NDRG1: variants seen among roughly 807,000 people sequenced by gnomAD.
The protein encoded by NDRG1 is protein NDRG1.
In NDRG1, 32 loss-of-function variants were observed where a neutral mutation model predicts 56.9. The observed-to-expected ratio is 0.56, with a 90% CI of 0.42 to 0.76. The LOEUF (loss-of-function observed/expected upper bound fraction) is 0.76. Ranked by LOEUF, NDRG1 falls within the 30% of genes least tolerant of loss-of-function variation. The pLI, the probability that NDRG1 is intolerant of heterozygous loss-of-function variation, is 0.00. For missense variants in NDRG1, 507 were observed against 545.7 expected, an observed-to-expected ratio of 0.93 and a Z score of 0.71; for synonymous variants, 211 against 204.1, an observed-to-expected ratio of 1.03 and a Z score of -0.29.
At chr8:133,258,886 G>A in intron 6 of NDRG1, 1 of 547,476 alleles carries the variant, frequency 1.8e-6, no homozygotes, top group Non-Finnish European at 3.3e-6. Context: ...ATGGGAAAGA[G>A]AAGGGAATGG....
At position 133,237,987 on chromosome 8, in the gene NDRG1, G is replaced by T; in HGVS notation, c.*891C>A. ...ACTCATCACAGCCAGGGCAGCTGTG[G>T]AATGTTGCCCTCCATTCTAAGGAAT... On this transcript the variant is annotated 3_prime_UTR_variant, in exon 16 of 16. Coordinates refer to ENST00000323851, the MANE Select transcript of NDRG1 (RefSeq NM_006096.4). The T allele has an allele frequency of 4.3e-6, 1 of 233,162 alleles. No homozygotes were observed. The highest frequency in any genetic ancestry group is 6.0e-5 in the East Asian group (1 of 16,576). The allele number at this position is 233,162 out of a possible 1,614,324, so 14.4% of individuals were successfully genotyped here. A position where few individuals can be genotyped will look rare whatever the true frequency, so the allele number is the denominator to read the frequency against.
In NDRG1 at chr8:133,241,760, A is replaced by T. The variant is rs1034348999; in HGVS notation, c.943+263T>A. ...GGTCATTGTCTTGGTGCTTAAAGGGACAGTCCTCATCTAAACCCCCCAAAA... is the reference window on the plus strand; with the variant it reads ...GGTCATTGTCTTGGTGCTTAAAGGGTCAGTCCTCATCTAAACCCCCCAAAA... On this transcript the variant is annotated intron_variant, in intron 15 of 15. Coordinates refer to ENST00000323851, the MANE Select transcript of NDRG1 (RefSeq NM_006096.4). The T allele has an allele frequency of 7.0e-6, 4 of 575,528 alleles. No individual in the cohort carries two copies. In the Admixed American group the frequency reaches 1.2e-4, roughly 18 times the overall value. 35.7% of individuals were successfully genotyped at this position (575,528 alleles called of 1,614,324 possible).
At chr8:133,264,450 AACC>A in intron 4 of NDRG1, 94 bp downstream of exon 4, 1 of 1,133,536 alleles carries the variant, frequency 8.8e-7, no homozygotes, top group South Asian at 1.3e-5. Context: ...GGCAAAAAGA[AACC>A]ACCAGCTCCC....
At chr8:133,277,361 C>T (rs969983485) in intron 3 of NDRG1, among the ~76,000 whole-genome samples, 3 of 152,080 alleles carry the variant, frequency 2.0e-5, no homozygotes, top group Admixed American at 6.5e-5. Context: ...GTCAGGAGTT[C>T]GAGACCAGAC....
intron 7 of NDRG1, 65 bp from the exon 8 acceptor site, chr8:133,256,928 G>A: frequency 2.7e-6 from 4 of 1,494,844 alleles, no homozygotes; most frequent in Admixed American, 1.8e-5. Context: ...AACTTTCCAA[G>A]GCAAACCAAA....
intron 3 of NDRG1, 92 bp from the exon 4 acceptor site, chr8:133,264,744 G>C (rs1856832836): frequency 2.7e-6 from 3 of 1,095,340 alleles, no homozygotes; most frequent in East Asian, 2.4e-5. Context: ...ACTGTGTTTT[G>C]AGGAAGCTCT....
rs564361525 is a variant in NDRG1, at chr8:133,240,106, T to C, written c.944-987A>G. 3.3e-5 allele frequency: 5 copies of C among 152,338 alleles called. No individual in the cohort carries two copies. The East Asian group carries it at 7.7e-4, about 24-fold the overall frequency. 9.4% of individuals were successfully genotyped at this position (152,338 alleles called of 1,614,324 possible). A position where few individuals can be genotyped will look rare whatever the true frequency, so the allele number is the denominator to read the frequency against. On this transcript the variant is annotated intron_variant, in intron 15 of 15. Transcript: ENST00000323851. ...CATGGAAGGTTCTTCCACAGCAGCG[T>C]TGGAGGGAGCAAGGCCCTGCCCACA...
At chr8:133,258,267 T>G in intron 7 of NDRG1, 99 bp downstream of exon 7, 1 of 1,264,632 alleles carries the variant, frequency 7.9e-7, no homozygotes, top group South Asian at 1.3e-5. Flanking sequence ...TACGGGTCAT[T>G]TCTTTTTCCC....
Position 133,258,305 on chromosome 8 carries a change from T to C in NDRG1, c.450+61A>G, listed in dbSNP as rs2272651. 418,568 of 1,520,300 alleles carry C rather than the reference T, an allele frequency of 0.28. 59,636 individuals are homozygous for C. Among genetic ancestry groups the C allele is most frequent in the African/African-American group, 0.36 (25,981 of 72,940 alleles). 94.2% of individuals were successfully genotyped at this position (1,520,300 alleles called of 1,614,324 possible). Reference sequence around the variant, plus strand: ...TTGGGTTTTTGATGCTTTTCCAATGTCTTCCTTCATCTTAAAATGTTATTT... The same window carrying C: ...TTGGGTTTTTGATGCTTTTCCAATGCCTTCCTTCATCTTAAAATGTTATTT... On this transcript the variant is annotated intron_variant, in intron 7 of 15. Coordinates refer to ENST00000323851, the MANE Select transcript of NDRG1 (RefSeq NM_006096.4).
intron 4 of NDRG1, 86 bp downstream of exon 4, chr8:133,264,461 C>A (rs1288660583): frequency 1.6e-6 from 2 of 1,226,042 alleles, no homozygotes; most frequent in Admixed American, 1.7e-5. Flanking sequence ...ACCACCAGCT[C>A]CCGGCCATCA....
intron 3 of NDRG1, among the ~76,000 whole-genome samples, chr8:133,270,388 G>A (rs888139386): frequency 1.3e-5 from 2 of 152,132 alleles, no homozygotes; most frequent in African/African-American, 2.4e-5. Flanking sequence ...TCTTTTTGAG[G>A]ATAGAATTCC....
At chr8:133,274,912 A>C (rs935260747) in intron 3 of NDRG1, among the ~76,000 whole-genome samples, 1 of 152,218 alleles carries the variant, frequency 6.6e-6, no homozygotes, top group African/African-American at 2.4e-5. Context: ...AGATTCAGCA[A>C]GAGGGCGTGG....
At chr8:133,246,498 T>C in intron 13 of NDRG1, 118 bp downstream of exon 13, 2 of 1,073,946 alleles carry the variant, frequency 1.9e-6, no homozygotes, top group South Asian at 2.5e-5. Context: ...ATTAAATCAT[T>C]AATTCTATAG....
chr8:133,291,317 C>T (rs116682154), intron 1 of NDRG1, among the ~76,000 whole-genome samples: 2 of 152,330 alleles, frequency 1.3e-5, no homozygotes, highest in Admixed American at 6.5e-5. Flanking sequence ...GTAGCAACTT[C>T]CCCAGAAAAT....
intron 15 of NDRG1, chr8:133,239,669 A>G (rs1855272608): frequency 5.8e-6 from 1 of 173,752 alleles, no homozygotes; most frequent in Non-Finnish European, 1.3e-5. Context: ...GGCGCTGTCT[A>G]TTCTTTGGGA....
intron 1 of NDRG1, among the ~76,000 whole-genome samples, chr8:133,296,115 C>G (rs1041885586): frequency 3.3e-5 from 5 of 152,162 alleles, no homozygotes; most frequent in African/African-American, 1.2e-4. Flanking sequence ...CAGAACCAGC[C>G]GCATTCCCCA....
intron 3 of NDRG1, 43 bp from the exon 4 acceptor site, chr8:133,264,695 A>G: frequency 6.5e-7 from 1 of 1,547,158 alleles, no homozygotes; most frequent in Non-Finnish European, 8.9e-7. Flanking sequence ...TGTGGGGTTC[A>G]TGGCATCCGC....
intron 9 of NDRG1, among the ~76,000 whole-genome samples, chr8:133,253,433 C>T (rs1020374841): frequency 6.6e-6 from 1 of 152,240 alleles, no homozygotes; most frequent in Admixed American, 6.5e-5. Context: ...TCTGTTTCCT[C>T]TTCCATAAAC....
rs184175360 is a variant in NDRG1 at position 133,294,748 on chromosome 8, C to T, written c.-19+2386G>A. Among the ~76,000 whole-genome samples, 5 of 152,318 alleles carry T rather than the reference C, an allele frequency of 3.3e-5. No homozygotes were observed. In the East Asian group the frequency reaches 7.7e-4, roughly 24 times the overall value. On this transcript the variant is annotated intron_variant, in intron 1 of 15. Coordinates refer to ENST00000323851, the MANE Select transcript of NDRG1 (RefSeq NM_006096.4). ...TCTAAGCCCCTGCCCTTCAGGCTGG[C>T]TTTGCTAATCTCTCAAGAACACCTG...
Sources: allele counts gnomAD v4.1 joint callset (sites outside exome capture counted in the v4.1 genomes callset), GRCh38; gene constraint gnomAD v4.1.1; transcripts MANE v1.5; gene names NCBI Gene and HGNC (gene_info 2026-07-23, HGNC 2026-07-21).